Variants in AP4B1 observed in about 807,000 individuals in gnomAD.
AP4B1 encodes adaptor related protein complex 4 subunit beta 1.
In AP4B1, 49 loss-of-function variants were observed where a neutral mutation model predicts 76.5. The ratio of observed to expected loss-of-function variants is 0.64; its 90% CI spans 0.51 to 0.81. The LOEUF (loss-of-function observed/expected upper bound fraction) is 0.81, where lower values mean the gene tolerates loss of function less well. Ranked by LOEUF, AP4B1 falls within the 40% of genes least tolerant of loss-of-function variation. AP4B1 has a pLI of 0.00. For missense variants in AP4B1, 911 were observed against 904.9 expected, an observed-to-expected ratio of 1.01 and a Z score of -0.09; for synonymous variants, 330 against 333.3, an observed-to-expected ratio of 0.99 and a Z score of 0.11.
chr1:113,895,892 C>T lies in AP4B1; in HGVS notation c.1657G>A (p.Val553Met), dbSNP rs1214661544. The T allele has an allele frequency of 6.2e-7, 1 of 1,614,094 alleles. No homozygotes were observed. Residue 553 changes from valine (V) to methionine (M), a missense_variant, in exon 9 of 10, where the codon GTG becomes ATG. Coordinates refer to ENST00000369569, the MANE Select transcript of AP4B1 (RefSeq NM_001253852.3). ...GLLEDPAERP[V>M]NSWASDFNTL... Reference sequence around the variant, plus strand: ...TTGAAGTCTGAGGCCCAGCTATTCACAGGTCTTTCTGCCGGATCCTCCAAA... The same window carrying T: ...TTGAAGTCTGAGGCCCAGCTATTCATAGGTCTTTCTGCCGGATCCTCCAAA...
chr1:113,904,679 C>T lies in AP4B1; in HGVS notation c.39G>A (p.Leu13=). 6.2e-7 allele frequency: 1 copy of T among 1,612,872 alleles called. No homozygotes were observed. The highest frequency in any genetic ancestry group is 1.1e-5 in the South Asian group (1 of 91,022). ...TGTGAGGATTGCACAGAGCCTTCTTCAGCTCCTTCACCACGTCCTCGGAGC... is the reference window on the plus strand; with the variant it reads ...TGTGAGGATTGCACAGAGCCTTCTTTAGCTCCTTCACCACGTCCTCGGAGC... ...YLGSEDVVKE[L]KKALCNPHIQ... The change falls in exon 1 of 10, where the codon CTG becomes CTA. Residue 13 remains leucine (L), a synonymous_variant. Transcript: ENST00000369569.
rs776367054 is a variant in AP4B1, at chr1:113,896,449, A to G, written c.1319T>C (p.Ile440Thr). ...IQDSEGKQALIWLLGVHGERI... is the reference protein window; with the variant it reads ...IQDSEGKQALTWLLGVHGERI... ...TTCCCCATGGACACCAAGTAGCCAAATAAGTGCTTGCTTCCCCTAGAGAAT... is the reference window on the plus strand; with the variant it reads ...TTCCCCATGGACACCAAGTAGCCAAGTAAGTGCTTGCTTCCCCTAGAGAAT... The change falls in exon 8 of 10, where the codon ATT becomes ACT. Residue 440 changes from isoleucine to threonine, a missense_variant. Physicochemically the swap from Ile to Thr is moderately conservative, Grantham distance 89. Transcript: ENST00000369569. 5 of 1,614,132 alleles carry G rather than the reference A, an allele frequency of 3.1e-6. No homozygotes were observed. The highest frequency in any genetic ancestry group is 2.7e-5 in the African/African-American group (2 of 74,956).
At chr1:113,897,590 A>G (rs927394453) in intron 7 of AP4B1, 2 of 517,502 alleles carry the variant, frequency 3.9e-6, no homozygotes, top group African/African-American at 3.9e-5. Context: ...TCTCAAGCAA[A>G]GCAAAACAAA....
rs373113965 is a variant in AP4B1 at position 113,903,026 on chromosome 1, T to C, written c.114-164A>G. Among the ~76,000 whole-genome samples, 15 of 152,348 alleles carry C rather than the reference T, an allele frequency of 9.8e-5. No homozygotes were observed. The South Asian group carries it at 3.1e-3, about 32-fold the overall frequency. ...TTATATCACACAGTACTTCATACCA[T>C]AGGCCTACAATAAACATTATTCTTC... On this transcript the variant is annotated intron_variant, in intron 1 of 9. Transcript: ENST00000369569.
At position 113,902,801 on chromosome 1, in the gene AP4B1, T is replaced by C. The variant is rs151293980; in HGVS notation, c.175A>G (p.Thr59Ala). The C allele has an allele frequency of 1.0e-4, 167 of 1,614,100 alleles. No homozygotes were observed. The highest frequency in any genetic ancestry group is 1.3e-4 in the Non-Finnish European group (157 of 1,180,048). The change falls in exon 2 of 10, where the codon ACT (threonine) becomes GCT (alanine). Residue 59 changes from threonine (T) to alanine (A), a missense_variant. By Grantham distance (58) the Thr-to-Ala change is moderately conservative. Transcript: ENST00000369569. ...VFMEMVKASA[T>A]VDIVQKKLVY... ...AACTTCTTCTGGACAATATCTACAG[T>C]GGCACTGGCCTTCACCATTTCCATA...
In AP4B1 at chr1:113,900,259, C is replaced by T. The variant is rs1231063091; in HGVS notation, c.759G>A (p.Met253Ile). 1 of 1,606,794 alleles carries T rather than the reference C, an allele frequency of 6.2e-7. No homozygotes were observed. The highest frequency in any genetic ancestry group is 8.5e-7 in the Non-Finnish European group (1 of 1,175,454). ...AGATCAGAAAAAGTTTGGTAGCTCC[C>T]ATCACCACACCTGGGCTACTGCTCT... Reference protein sequence around the residue: ...FLKSSSPGVVMGATKLFLILA... With the variant: ...FLKSSSPGVVIGATKLFLILA... The change falls in exon 5 of 10, where the codon ATG (methionine) becomes ATA (isoleucine). Residue 253 changes from methionine (M) to isoleucine (I), a missense_variant. Physicochemically the swap from Met to Ile is conservative, Grantham distance 10 (BLOSUM62 1). Transcript: ENST00000369569.
intron 7 of AP4B1, chr1:113,896,696 A>T: frequency 3.4e-6 from 2 of 587,916 alleles, no homozygotes; most frequent in Non-Finnish European, 6.0e-6. Flanking sequence ...ATGTTGGATT[A>T]AGCAATAAAT....
intron 5 of AP4B1, among the ~76,000 whole-genome samples, chr1:113,899,628 TGGATAGAAG>T (rs1490053073): frequency 6.6e-6 from 1 of 152,180 alleles, no homozygotes; most frequent in Non-Finnish European, 1.5e-5. Flanking sequence ...GAAAGCATTT[TGGATAGAAG>T]ACAACAACAA....
rs754929839 is a variant in AP4B1 at position 113,902,893 on chromosome 1, A to G, written c.114-31T>C. 3 of 1,603,216 alleles carry G rather than the reference A, an allele frequency of 1.9e-6. No homozygotes were observed. In the South Asian group the frequency reaches 3.3e-5, roughly 18 times the overall value. ...CAACGCACATGACAGAAGGAAGTAA[A>G]ATGCAAAATCCCCAACTTACAATGG... is the stretch of plus-strand genomic sequence containing the variant. On this transcript the variant is annotated intron_variant, in intron 1 of 9. Coordinates refer to ENST00000369569, the MANE Select transcript of AP4B1 (RefSeq NM_001253852.3).
intron 7 of AP4B1, chr1:113,896,794 C>A (rs980786309): frequency 2.6e-6 from 1 of 383,634 alleles, no homozygotes; most frequent in South Asian, 2.7e-5. Flanking sequence ...AAATTTTTCA[C>A]AAAAATGGTT....
In AP4B1 at chr1:113,900,343, G is replaced by A. The variant is rs932607065; in HGVS notation, c.675C>T (p.Tyr225=). The change falls in exon 5 of 10, where the codon TAC becomes TAT. Residue 225 remains tyrosine, a synonymous_variant. Transcript: ENST00000369569. The stretch of plus-strand genomic sequence containing the variant: ...ATAGTTCTTCCTCACTGCGGGGTTG[G>A]TAGCGTAGCAGAAAGTTCAATACTT... ...QAEVLNFLLR[Y]QPRSEEELFD... 8 of 1,611,318 alleles carry A rather than the reference G, an allele frequency of 5.0e-6. No individual in the cohort carries two copies. The Admixed American group carries it at 6.8e-5, about 14-fold the overall frequency.
Position 113,901,343 on chromosome 1 carries a change from G to C in AP4B1, c.510C>G (p.Asp170Glu). 1 of 1,614,058 alleles carries C rather than the reference G, an allele frequency of 6.2e-7. No individual in the cohort carries two copies. The highest frequency in any genetic ancestry group is 8.5e-7 in the Non-Finnish European group (1 of 1,179,986). ...AGTTCACAACTACAATTGGATCCTGGTCACGCAGCAAACTGTATAATTCAT... is the reference window on the plus strand; with the variant it reads ...AGTTCACAACTACAATTGGATCCTGCTCACGCAGCAAACTGTATAATTCAT... ...LVNELYSLLR[D>E]QDPIVVVNCL... The change falls in exon 4 of 10, where the codon GAC becomes GAG. Residue 170 changes from aspartate to glutamate, a missense_variant. Transcript: ENST00000369569.
chr1:113,898,117 T>G, intron 6 of AP4B1, 174 bp from the exon 7 acceptor site: 1 of 1,193,496 alleles, frequency 8.4e-7, no homozygotes, highest in Non-Finnish European at 1.2e-6. Flanking sequence ...AATAATTTCT[T>G]GAATGCATAT....
In AP4B1 at chr1:113,899,951, C is replaced by A. The variant is rs770948820; in HGVS notation, c.1067G>T (p.Cys356Phe). ...TGCAAAGTCCGCAGACACATCCGTG[C>A]AGTACCCTCGAAGCTCCTCTAGCAC... The part of the protein sequence containing the change: ...QQVLEELRGY[C>F]TDVSADFAQA... The change falls in exon 5 of 10, where the codon TGC (cysteine) becomes TTC (phenylalanine). Residue 356 changes from cysteine to phenylalanine, a missense_variant. Coordinates refer to ENST00000369569, the MANE Select transcript of AP4B1 (RefSeq NM_001253852.3). The A allele has an allele frequency of 1.2e-6, 2 of 1,614,078 alleles. No homozygotes were observed. Among genetic ancestry groups the A allele is most frequent in the African/African-American group, 2.7e-5 (2 of 74,918 alleles).
At chr1:113,903,718 C>T (rs1006469444) in intron 1 of AP4B1, among the ~76,000 whole-genome samples, 2 of 152,170 alleles carry the variant, frequency 1.3e-5, no homozygotes, top group Admixed American at 1.3e-4. Flanking sequence ...TGAGCAGGAG[C>T]AGCACACATT....
intron 5 of AP4B1, chr1:113,899,386 A>G (rs899920451): frequency 1.0e-5 from 10 of 988,968 alleles, no homozygotes; most frequent in Middle Eastern, 5.1e-4. Context: ...GTGTTGGTCT[A>G]CATTCAGCAC....
rs1203546225 is a variant in AP4B1, at chr1:113,895,225, T to C, written c.2060A>G (p.Asp687Gly). The change falls in exon 10 of 10, where the codon GAT (aspartate) becomes GGT (glycine). Residue 687 changes from aspartate (D) to glycine (G), a missense_variant. Asp to Gly is a moderately conservative substitution (Grantham distance 94). Transcript: ENST00000369569. ...RPWKAYLSAQ[D>G]DTGCLFLTEL... ...TGTTAAGAACAGACAGCCAGTATCA[T>C]CCTGAGCACTGAGGTATGCTTTCCA... 62 of 1,614,090 alleles carry C rather than the reference T, an allele frequency of 3.8e-5. No homozygotes were observed. The highest frequency in any genetic ancestry group is 5.3e-5 in the Non-Finnish European group (62 of 1,180,052).
chr1:113,895,139 T>G lies in AP4B1; in HGVS notation c.2146A>C (p.Arg716=). 6.2e-7 allele frequency: 1 copy of G among 1,614,242 alleles called. No homozygotes were observed. The highest frequency in any genetic ancestry group is 8.5e-7 in the Non-Finnish European group (1 of 1,180,032). The change falls in exon 10 of 10, where the codon AGA becomes CGA. Residue 716 remains arginine, a synonymous_variant. Coordinates refer to ENST00000369569, the MANE Select transcript of AP4B1 (RefSeq NM_001253852.3). ...ATAAAACTATTCAGCGTCTCCGTTC[T>G]TGCTTCATTTTGTTTCACAGAGATC... The part of the protein sequence containing the change: ...MQISVKQNEA[R]TETLNSFISV...
rs1193693731 is a variant in AP4B1 at position 113,896,462 on chromosome 1, T to C, written c.1306A>G (p.Lys436Glu). ...CCAAGTAGCCAAATAAGTGCTTGCT[T>C]CCCCTAGAGAATAAAGGAATAAGAG... is the stretch of plus-strand genomic sequence containing the variant. Reference protein sequence around the residue: ...CEENIQDSEGKQALIWLLGVH... With the variant: ...CEENIQDSEGEQALIWLLGVH... The change falls in exon 8 of 10, where the codon AAG (lysine) becomes GAG (glutamate). Residue 436 changes from lysine to glutamate, a missense_variant. By Grantham distance (56) the Lys-to-Glu change is moderately conservative. Coordinates refer to ENST00000369569, the MANE Select transcript of AP4B1 (RefSeq NM_001253852.3). The C allele has an allele frequency of 8.7e-6, 14 of 1,613,956 alleles. No homozygotes were observed.
Sources: gnomAD v4.1 joint callset for allele counts (sites outside exome capture counted in the v4.1 genomes callset) on GRCh38, gnomAD v4.1.1 for gene constraint, MANE v1.5 for transcripts, NCBI Gene and HGNC (gene_info 2026-07-23, HGNC 2026-07-21) for gene names.